STIL: variants seen among roughly 807,000 people sequenced by gnomAD.
STIL encodes STIL centriolar assembly protein, also known as SCL-interrupting locus protein.
In STIL, 55 loss-of-function variants were observed where a neutral mutation model predicts 110.1. That is an observed-to-expected ratio of 0.50 (90% confidence interval 0.40 to 0.63). The LOEUF is 0.63. STIL is among the 20% of genes least tolerant of loss of function. The pLI is 0.00. For synonymous variants in STIL, 481 were observed against 530.0 expected, an observed-to-expected ratio of 0.91 and a Z score of 1.27; for missense variants, 1,358 against 1,530.0, an observed-to-expected ratio of 0.89 and a Z score of 1.87.
At chr1:47,308,960 G>A (rs1646044452) in intron 2 of STIL, among the ~76,000 whole-genome samples, 1 of 151,582 alleles carries the variant, frequency 6.6e-6, no homozygotes, top group Non-Finnish European at 1.5e-5. Flanking sequence ...GCTGAGACAC[G>A]AGAATCACTT....
intron 6 of STIL, among the ~76,000 whole-genome samples, chr1:47,297,304 C>G (rs67905093): frequency 0.27 from 40,983 of 150,788 alleles, 5,837 homozygotes; most frequent in Non-Finnish European, 0.32. Context: ...GAGATCGTGC[C>G]ACTGCACTCC....
In STIL at chr1:47,274,030, T is replaced by C. The variant is rs375756789; in HGVS notation, c.2218-1789A>G. ...CTAAAACTAAGGTTGTTAAAAGAGATAAATAAAACAGTTGTAATTTGTTGC... is the reference window on the plus strand; with the variant it reads ...CTAAAACTAAGGTTGTTAAAAGAGACAAATAAAACAGTTGTAATTTGTTGC... On this transcript the variant is annotated intron_variant, in intron 12 of 16. Coordinates refer to ENST00000371877, the MANE Select transcript of STIL (RefSeq NM_001048166.1). 6.6e-5 allele frequency among the ~76,000 whole-genome samples: 10 copies of C among 152,302 alleles called. No individual in the cohort carries two copies. The South Asian group carries it at 1.0e-3, about 16-fold the overall frequency.
chr1:47,269,250 A>G (rs559715026), intron 14 of STIL, among the ~76,000 whole-genome samples: 182 of 152,318 alleles, frequency 1.2e-3, no homozygotes, highest in African/African-American at 4.2e-3. Flanking sequence ...AAATGGTTCT[A>G]GAAGGCTCAG....
chr1:47,291,057 C>T (rs1645472739), intron 8 of STIL, among the ~76,000 whole-genome samples: 1 of 152,266 alleles, frequency 6.6e-6, no homozygotes, highest in African/African-American at 2.4e-5. Context: ...TCCCTGACCA[C>T]CTATTTAAAT....
chr1:47,307,455 A>G (rs1207737778), intron 2 of STIL, among the ~76,000 whole-genome samples: 1 of 152,192 alleles, frequency 6.6e-6, no homozygotes, highest in Non-Finnish European at 1.5e-5. Context: ...CTTTACTGCA[A>G]TCTCTAAACA....
intron 16 of STIL, among the ~76,000 whole-genome samples, chr1:47,256,472 T>C (rs1228790782): frequency 1.6e-4 from 25 of 151,560 alleles, no homozygotes; most frequent in Admixed American, 1.6e-3. Flanking sequence ...AACACAAAAC[T>C]TAGCTGGGCG....
chr1:47,296,863 T>G (rs1198167194), intron 6 of STIL, among the ~76,000 whole-genome samples: 3 of 152,216 alleles, frequency 2.0e-5, no homozygotes, highest in African/African-American at 7.2e-5. Flanking sequence ...GCCTTGGCAG[T>G]ACCACTGATG....
Position 47,289,565 on chromosome 1 carries a change from T to A in STIL, c.893A>T (p.Asn298Ile), listed in dbSNP as rs562083602. ...VQERVFSESG[N>I]FIIVLYSMTH... ...CATAGAATAGAGAACTATGATGAAA[T>A]TTCCAGATTCTGAAAAAACCCTGCA... The change falls in exon 9 of 17, where the codon AAT becomes ATT. Residue 298 changes from asparagine to isoleucine, a missense_variant. Physicochemically the swap from Asn to Ile is moderately radical, Grantham distance 149. Coordinates refer to ENST00000371877, the MANE Select transcript of STIL (RefSeq NM_001048166.1). 181 of 1,613,704 alleles carry A rather than the reference T, an allele frequency of 1.1e-4. No individual in the cohort carries two copies. The South Asian group carries it at 1.9e-3, about 17-fold the overall frequency.
At position 47,280,474 on chromosome 1, in the gene STIL, G is replaced by T. The variant is rs2148970991; in HGVS notation, c.1984C>A (p.Pro662Thr). The T allele has an allele frequency of 6.2e-7, 1 of 1,614,238 alleles. No individual in the cohort carries two copies. Among genetic ancestry groups the T allele is most frequent in the East Asian group, 2.2e-5 (1 of 44,886 alleles). ...YCNAFCSSSS[P>T]IALRPQGDMG... ...TCTCCCTGAGGTCTCAAGGCTATAG[G>T]ACTACTTGAAGAACAGAATGCATTA... The change falls in exon 12 of 17, where the codon CCT becomes ACT. Residue 662 changes from proline to threonine, a missense_variant. Pro to Thr is a conservative substitution (Grantham distance 38). Transcript: ENST00000371877.
At chr1:47,289,293 A>T (rs1296699896) in intron 9 of STIL, 142 bp downstream of exon 9, 7 of 528,476 alleles carry the variant, frequency 1.3e-5, no homozygotes, top group Non-Finnish European at 2.2e-5. Flanking sequence ...GAATAAAGTT[A>T]ATATTTAATA....
At chr1:47,273,366 T>G (rs1312939036) in intron 12 of STIL, among the ~76,000 whole-genome samples, 1 of 152,240 alleles carries the variant, frequency 6.6e-6, no homozygotes, top group Non-Finnish European at 1.5e-5. Context: ...CACACCCTAT[T>G]GCCCTTCTCC....
In STIL at chr1:47,251,259, C is replaced by G. The variant is rs1644174499; in HGVS notation, c.3744G>C (p.Gly1248=). The stretch of plus-strand genomic sequence containing the variant: ...AACTTTCAGGAAAAATTGTAATGTC[C>G]CCTTCATTTTCTTTCTCAGGATGTT... ...FTQHPEKENE[G]DITIFPESLQ... Residue 1248 remains glycine, a synonymous_variant, in exon 17 of 17, where the codon GGG becomes GGC. Coordinates refer to ENST00000371877, the MANE Select transcript of STIL (RefSeq NM_001048166.1). The G allele has an allele frequency of 1.9e-6, 3 of 1,611,934 alleles. No individual in the cohort carries two copies. The African/African-American group carries it at 4.0e-5, about 22-fold the overall frequency.
In STIL at chr1:47,251,136, T is replaced by A; in HGVS notation, c.3867A>T (p.Ter1289TyrextTer8). ...KRLRQLPKLF* is the reference protein window; with the variant it reads ...KRLRQLPKLFY ...ATTAAAAGGGCAGGGAGTTAAAAGG[T>A]TAAAATAATTTTGGTAACTGTCTGA... The change falls in exon 17 of 17, where the codon TAA becomes TAT. Residue 1289 changes from the stop codon to tyrosine (Y), a stop_lost. Transcript: ENST00000371877. 6.2e-7 allele frequency: 1 copy of A among 1,613,712 alleles called. No homozygotes were observed. The highest frequency in any genetic ancestry group is 2.2e-5 in the East Asian group (1 of 44,878).
At chr1:47,312,980 AG>A (rs1646178734) in intron 1 of STIL, 1 of 152,232 alleles carries the variant, frequency 6.6e-6, no homozygotes, top group Non-Finnish European at 1.5e-5. Flanking sequence ...TAATGCTGCT[AG>A]AAGAGTGTTT....
At chr1:47,288,588 C>G (rs1557750855) in intron 9 of STIL, among the ~76,000 whole-genome samples, 2 of 151,978 alleles carry the variant, frequency 1.3e-5, no homozygotes, top group Non-Finnish European at 2.9e-5. Context: ...TGAGCCGCCA[C>G]GCCTGGCCTA....
At chr1:47,297,994 T>G (rs1645692560) in intron 6 of STIL, among the ~76,000 whole-genome samples, 1 of 150,866 alleles carries the variant, frequency 6.6e-6, no homozygotes, top group Non-Finnish European at 1.5e-5. Context: ...AGAAGTACTT[T>G]ATTAATTAAG....
intron 12 of STIL, among the ~76,000 whole-genome samples, chr1:47,275,310 TA>T (rs1445784512): frequency 6.6e-6 from 1 of 151,372 alleles, no homozygotes; most frequent in African/African-American, 2.4e-5. Context: ...GAGAATTTTT[TA>T]AAAAGATTTT....
At position 47,293,340 on chromosome 1, in the gene STIL, G is replaced by A. The variant is rs763094644; in HGVS notation, c.872+118C>T. ...TAAGGTTTGTTTTTTCTTAATGTACGTGTTTATTTATAAGTATTGTAAAAG... is the reference window on the plus strand; with the variant it reads ...TAAGGTTTGTTTTTTCTTAATGTACATGTTTATTTATAAGTATTGTAAAAG... On this transcript the variant is annotated intron_variant, in intron 8 of 16. Transcript: ENST00000371877. 7.8e-6 allele frequency: 6 copies of A among 765,272 alleles called. No individual in the cohort carries two copies. The East Asian group carries it at 1.1e-4, about 14-fold the overall frequency. The allele number at this position is 765,272 out of a possible 1,614,324, so 47.4% of individuals were successfully genotyped here.
chr1:47,267,691 T>A (rs1047165039), intron 14 of STIL, among the ~76,000 whole-genome samples: 4 of 120,102 alleles, frequency 3.3e-5, no homozygotes, highest in East Asian at 2.6e-4. Flanking sequence ...AAAAAAAAAA[T>A]TTACTTTAGA....
Sources: allele counts gnomAD v4.1 joint callset (sites outside exome capture counted in the v4.1 genomes callset), GRCh38; gene constraint gnomAD v4.1.1; transcripts MANE v1.5; gene names NCBI Gene and HGNC (gene_info 2026-07-23, HGNC 2026-07-21).